The following MTMR9 variants were observed in gnomAD, a reference collection of about 807,000 sequenced individuals.
MTMR9 encodes the protein myotubularin related protein 9.
Under a neutral mutation model 69.5 loss-of-function variants are expected in MTMR9, and 39 were observed. That is an observed-to-expected ratio of 0.56 (90% confidence interval 0.43 to 0.73). The LOEUF is 0.73. MTMR9 is among the 30% of genes least tolerant of loss of function. The probability of loss-of-function intolerance (pLI) is 0.00; values close to 1 mark genes in which losing one functional copy is unlikely to be tolerated. For synonymous variants in MTMR9, 354 were observed against 240.8 expected (o/e 1.47, Z -4.35); for missense variants, 900 against 671.2 (o/e 1.34, Z -3.77).
chr8:11,332,167 T>G (rs376138141), downstream of MTMR9: 35 of 1,589,686 alleles, frequency 2.2e-5, no homozygotes, highest in African/African-American at 4.8e-4. Context: ...CAGGGATAAA[T>G]AAAGACAAAG....
the MTMR9 span, among the ~76,000 whole-genome samples, chr8:11,337,505 G>T: frequency 6.6e-6 from 1 of 152,090 alleles, no homozygotes; most frequent in Non-Finnish European, 1.5e-5. Flanking sequence ...GACATCTCAG[G>T]TACTTGTCAC....
At chr8:11,297,295 TCCTG>T (rs1387920562) in intron 2 of MTMR9, among the ~76,000 whole-genome samples, 1 of 152,250 alleles carries the variant, frequency 6.6e-6, no homozygotes, top group Non-Finnish European at 1.5e-5. Flanking sequence ...ACACATTTCT[TCCTG>T]CCTTTGTTGA....
intron 2 of MTMR9, among the ~76,000 whole-genome samples, chr8:11,296,048 A>C (rs963757698): frequency 6.6e-6 from 1 of 152,072 alleles, no homozygotes; most frequent in Non-Finnish European, 1.5e-5. Context: ...ACAGTTCTAA[A>C]AATTTGAATA....
At position 11,284,956 on chromosome 8, in the gene MTMR9, C is replaced by G; in HGVS notation, c.68C>G (p.Pro23Arg). The G allele has an allele frequency of 6.2e-7, 1 of 1,613,934 alleles. No homozygotes were observed. The highest frequency in any genetic ancestry group is 8.5e-7 in the Non-Finnish European group (1 of 1,179,944). ...DNVVLHRPFY[P>R]AVEGTLCLTG... ...GTGGTGCTGCACCGGCCTTTCTACC[C>G]GGCTGTCGAGGGCACCCTGTGCCTG... The change falls in exon 1 of 10, where the codon CCG (proline) becomes CGG (arginine). Residue 23 changes from proline (P) to arginine (R), a missense_variant. Transcript: ENST00000221086.
intron 3 of MTMR9, among the ~76,000 whole-genome samples, chr8:11,302,280 AGAC>A (rs1799774347): frequency 1.1e-5 from 1 of 91,374 alleles, no homozygotes; most frequent in Admixed American, 1.5e-4. Flanking sequence ...AAAAAGAGGA[AGAC>A]AAAAAAAAAA....
intron 4 of MTMR9, 44 bp from the exon 5 acceptor site, chr8:11,306,139 GAAACTTT>G (rs1362792599): frequency 1.3e-6 from 2 of 1,531,944 alleles, no homozygotes. Flanking sequence ...TCTGTTTTCA[GAAACTTT>G]AAAAGCAACT....
chr8:11,300,784 ACAC>A (rs1413731668), intron 3 of MTMR9: 3 of 152,406 alleles, frequency 2.0e-5, no homozygotes, highest in African/African-American at 7.2e-5. Context: ...CAAGGTCTAT[ACAC>A]TGAAAGACAT....
the MTMR9 span, among the ~76,000 whole-genome samples, chr8:11,333,322 T>C: frequency 1.3e-5 from 2 of 152,222 alleles, no homozygotes; most frequent in African/African-American, 4.8e-5. Context: ...TTAGAATTAA[T>C]GGAGGCCAGA....
intron 4 of MTMR9, 37 bp from the exon 5 acceptor site, chr8:11,306,153 A>C: frequency 6.3e-7 from 1 of 1,580,262 alleles, no homozygotes; most frequent in Non-Finnish European, 8.7e-7. Context: ...CTTTAAAAGC[A>C]ACTGCTGTTG....
Position 11,305,034 on chromosome 8 carries a change from G to C in MTMR9, c.591+20G>C, listed in dbSNP as rs988312406. ...GGGATGGTAAGTGCACAGCACTACTGCTTGATGTACTGAAAGGCTTGGGTT... is the reference window on the plus strand; with the variant it reads ...GGGATGGTAAGTGCACAGCACTACTCCTTGATGTACTGAAAGGCTTGGGTT... On this transcript the variant is annotated intron_variant, in intron 4 of 9. Coordinates refer to ENST00000221086, the MANE Select transcript of MTMR9 (RefSeq NM_015458.4). 6 of 1,607,786 alleles carry C rather than the reference G, an allele frequency of 3.7e-6. No individual in the cohort carries two copies. The highest frequency in any genetic ancestry group is 5.1e-6 in the Non-Finnish European group (6 of 1,175,354).
intron 1 of MTMR9, among the ~76,000 whole-genome samples, chr8:11,288,247 T>C (rs988462226): frequency 1.5e-5 from 2 of 136,540 alleles, no homozygotes; most frequent in African/African-American, 5.6e-5. Context: ...TAATAATAAT[T>C]ATATTATAAT....
chr8:11,285,101 G>T, intron 1 of MTMR9, 31 bp downstream of exon 1: 1 of 1,513,384 alleles, frequency 6.6e-7, no homozygotes, highest in Non-Finnish European at 8.9e-7. Context: ...AGCTCCGCAG[G>T]GAGCCGGGGG....
chr8:11,330,468 G>A (rs1801168826), downstream of MTMR9, among the ~76,000 whole-genome samples: 1 of 152,248 alleles, frequency 6.6e-6, no homozygotes, highest in Non-Finnish European at 1.5e-5. Flanking sequence ...CGGTTTTGTG[G>A]AATAGAAAAG....
At chr8:11,297,261 A>G (rs1194624104) in intron 2 of MTMR9, among the ~76,000 whole-genome samples, 1 of 152,246 alleles carries the variant, frequency 6.6e-6, no homozygotes, top group African/African-American at 2.4e-5. Flanking sequence ...AAAAACTGTT[A>G]TAGTGCTAAG....
At chr8:11,319,579 G>A (rs1563285887) in intron 8 of MTMR9, 108 bp from the exon 9 acceptor site, 2 of 1,161,374 alleles carry the variant, frequency 1.7e-6, no homozygotes, top group Non-Finnish European at 2.5e-6. Context: ...CAAAAGTCTT[G>A]TATTCTATCT....
At chr8:11,288,296 ATATAT>A (rs1432160889) in intron 1 of MTMR9, among the ~76,000 whole-genome samples, 2 of 139,742 alleles carry the variant, frequency 1.4e-5, no homozygotes, top group Admixed American at 7.7e-5. Flanking sequence ...AGCATATAAT[ATATAT>A]TATAATATGT....
At chr8:11,335,796 C>A in the MTMR9 span, among the ~76,000 whole-genome samples, 2 of 152,182 alleles carry the variant, frequency 1.3e-5, no homozygotes, top group African/African-American at 4.8e-5. Flanking sequence ...GTGTGCATGT[C>A]TCTGTGTTCA....
Position 11,322,919 on chromosome 8 carries a change from A to T in MTMR9, c.*131A>T. The T allele has an allele frequency of 1.4e-6, 1 of 713,918 alleles. No homozygotes were observed. Among genetic ancestry groups the T allele is most frequent in the South Asian group, 2.2e-5 (1 of 46,020 alleles). The allele number at this position is 713,918 out of a possible 1,614,324, so 44.2% of individuals were successfully genotyped here. A position where few individuals can be genotyped will look rare whatever the true frequency, so the allele number is the denominator to read the frequency against. ...TTAGATGTGGGACCCCCCTAATGTAATGGATTTCTCAATACTGTATGAATA... is the reference window on the plus strand; with the variant it reads ...TTAGATGTGGGACCCCCCTAATGTATTGGATTTCTCAATACTGTATGAATA... On this transcript the variant is annotated 3_prime_UTR_variant, in exon 10 of 10. Coordinates refer to ENST00000221086, the MANE Select transcript of MTMR9 (RefSeq NM_015458.4).
At position 11,306,075 on chromosome 8, in the gene MTMR9, C is replaced by T. The variant is rs1288430801; in HGVS notation, c.592-115C>T. 7 of 792,868 alleles carry T rather than the reference C, an allele frequency of 8.8e-6. No homozygotes were observed. In the Admixed American group the frequency reaches 1.7e-4, roughly 19 times the overall value. 49.1% of individuals were successfully genotyped at this position (792,868 alleles called of 1,614,324 possible). On this transcript the variant is annotated intron_variant, in intron 4 of 9. Transcript: ENST00000221086. ...TTCTTTGTTTATGGATCAAATCCATCTGCAGAGTGTCACACAATTGTTTTT... is the reference window on the plus strand; with the variant it reads ...TTCTTTGTTTATGGATCAAATCCATTTGCAGAGTGTCACACAATTGTTTTT...
Sources: allele counts gnomAD v4.1 joint callset (sites outside exome capture counted in the v4.1 genomes callset), GRCh38; gene constraint gnomAD v4.1.1; transcripts MANE v1.5; gene names NCBI Gene and HGNC (gene_info 2026-07-23, HGNC 2026-07-21).